The following MDGA2 variants were observed in gnomAD, a reference collection of about 807,000 sequenced individuals.
The protein encoded by MDGA2 is MAM domain containing glycosylphosphatidylinositol anchor 2.
MDGA2 carries 40 observed loss-of-function variants against 117.8 expected under a neutral mutation model. That is an observed-to-expected ratio of 0.34 (90% CI 0.26 to 0.44). The LOEUF (loss-of-function observed/expected upper bound fraction) is 0.44. MDGA2 is among the 20% of genes least tolerant of loss of function. MDGA2 has a pLI of 1.00. For synonymous variants in MDGA2, 452 were observed against 439.0 expected (o/e 1.03, Z -0.37); for missense variants, 1,123 against 1,250.6 (o/e 0.90, Z 1.54).
At chr14:47,367,118 ACTGAG>A in intron 1 of MDGA2, among the ~76,000 whole-genome samples, 1 of 152,232 alleles carries the variant, frequency 6.6e-6, no homozygotes, top group Admixed American at 6.5e-5. Flanking sequence ...TGCAAATATA[ACTGAG>A]CTATCTTAAT....
chr14:46,905,347 A>T (rs766287960), intron 10 of MDGA2, among the ~76,000 whole-genome samples: 38 of 152,200 alleles, frequency 2.5e-4, no homozygotes, highest in Admixed American at 6.5e-5. Context: ...GCAGGAGCAC[A>T]AATAAAACAA....
chr14:47,242,639 C>T lies in MDGA2; in HGVS notation c.421-24444G>A, dbSNP rs541871452. Reference sequence around the variant, plus strand: ...TCCCCCAGCAGTGCTGGCCCACCAGCGCTGCGCTCGATTTCTCGCTGGGCC... The same window carrying T: ...TCCCCCAGCAGTGCTGGCCCACCAGTGCTGCGCTCGATTTCTCGCTGGGCC... On this transcript the variant is annotated intron_variant, in intron 2 of 16. Coordinates refer to ENST00000399232, the MANE Select transcript of MDGA2 (RefSeq NM_001113498.3). Among the ~76,000 whole-genome samples the T allele has an allele frequency of 3.2e-3, 480 of 151,888 alleles. 20 individuals are homozygous for T. Among genetic ancestry groups the T allele is most frequent in the Non-Finnish European group, 4.6e-3 (311 of 67,760 alleles).
intron 8 of MDGA2, among the ~76,000 whole-genome samples, chr14:47,020,930 AAG>A (rs147713485): frequency 0.017 from 2,626 of 152,260 alleles, 77 homozygotes; most frequent in African/African-American, 0.058. Context: ...ATAAAAGAAA[AAG>A]AAAATAATTT....
chr14:47,027,821 T>C (rs1888530061), intron 8 of MDGA2, among the ~76,000 whole-genome samples: 1 of 151,948 alleles, frequency 6.6e-6, no homozygotes, highest in South Asian at 2.1e-4. Context: ...AGTATATTCA[T>C]CCTAGAAACA....
At chr14:47,656,744 G>A (rs1433836658) in intron 1 of MDGA2, among the ~76,000 whole-genome samples, 3 of 152,052 alleles carry the variant, frequency 2.0e-5, no homozygotes, top group African/African-American at 7.2e-5. Context: ...AGAGGCATGT[G>A]GCAGATTGTA....
intron 1 of MDGA2, among the ~76,000 whole-genome samples, chr14:47,397,504 C>A (rs1042687556): frequency 1.3e-5 from 2 of 151,328 alleles, no homozygotes; most frequent in African/African-American, 4.9e-5. Context: ...CAAAAAAAAA[C>A]CCAAACAAAC....
At chr14:46,900,620 T>C (rs898805658) in intron 10 of MDGA2, among the ~76,000 whole-genome samples, 2 of 152,144 alleles carry the variant, frequency 1.3e-5, no homozygotes, top group Non-Finnish European at 2.9e-5. Flanking sequence ...CAAATAGGTA[T>C]TGCATAATTC....
intron 1 of MDGA2, among the ~76,000 whole-genome samples, chr14:47,424,673 T>C (rs953104194): frequency 6.6e-6 from 1 of 152,162 alleles, no homozygotes; most frequent in African/African-American, 2.4e-5. Context: ...TATTATTTAG[T>C]TAATTCAGAG....
At chr14:47,431,132 C>T (rs2138526856) in intron 1 of MDGA2, among the ~76,000 whole-genome samples, 1 of 152,010 alleles carries the variant, frequency 6.6e-6, no homozygotes, top group East Asian at 1.9e-4. Context: ...TTTTCATGTA[C>T]ATATGAATAT....
intron 8 of MDGA2, among the ~76,000 whole-genome samples, chr14:47,009,289 G>A (rs1455808365): frequency 6.6e-6 from 1 of 152,010 alleles, no homozygotes; most frequent in Non-Finnish European, 1.5e-5. Context: ...ACAGTGATTA[G>A]ATGTTCTAAA....
chr14:47,161,792 ATTT>A (rs952056737), intron 3 of MDGA2, among the ~76,000 whole-genome samples: 1 of 151,334 alleles, frequency 6.6e-6, no homozygotes, highest in Non-Finnish European at 1.5e-5. Flanking sequence ...CAACTCTTAT[ATTT>A]TGTTTTCGTT....
chr14:47,359,091 C>T (rs1891056378), intron 1 of MDGA2, among the ~76,000 whole-genome samples: 1 of 152,210 alleles, frequency 6.6e-6, no homozygotes, highest in South Asian at 2.1e-4. Context: ...CACGGTGGCT[C>T]ACGCCTGTAA....
At chr14:47,042,535 C>A (rs1221914684) in intron 7 of MDGA2, among the ~76,000 whole-genome samples, 4 of 152,234 alleles carry the variant, frequency 2.6e-5, no homozygotes, top group African/African-American at 9.6e-5. Flanking sequence ...TTTGTGTCAG[C>A]AGTCCTCCAT....
At chr14:47,446,588 G>A (rs1186243493) in intron 1 of MDGA2, among the ~76,000 whole-genome samples, 1 of 151,880 alleles carries the variant, frequency 6.6e-6, no homozygotes, top group Non-Finnish European at 1.5e-5. Flanking sequence ...GTGTATAAGG[G>A]TAAAAAGAGA....
chr14:47,098,680 CATAATCATACACA>C (rs1327421879), intron 5 of MDGA2, among the ~76,000 whole-genome samples: 1 of 151,816 alleles, frequency 6.6e-6, no homozygotes, highest in Non-Finnish European at 1.5e-5. Flanking sequence ...AGGTAAATAG[CATAATCATACACA>C]AGTATTTGAT....
At chr14:47,644,695 A>G (rs1416409036) in intron 1 of MDGA2, among the ~76,000 whole-genome samples, 2 of 152,218 alleles carry the variant, frequency 1.3e-5, no homozygotes, top group Non-Finnish European at 2.9e-5. Context: ...GAAAAAAAAA[A>G]CTAGGAGAGG....
chr14:47,237,290 T>A (rs572124092), intron 2 of MDGA2, among the ~76,000 whole-genome samples: 1 of 152,282 alleles, frequency 6.6e-6, no homozygotes, highest in African/African-American at 2.4e-5. Context: ...GAACTCTAAC[T>A]TCTAACATAA....
intron 10 of MDGA2, among the ~76,000 whole-genome samples, chr14:46,896,500 T>C (rs887233611): frequency 5.3e-5 from 8 of 152,068 alleles, no homozygotes; most frequent in African/African-American, 1.9e-4. Context: ...ACGAAAAAAG[T>C]AATGGAGGAT....
chr14:47,311,378 T>C (rs748905221), intron 1 of MDGA2, among the ~76,000 whole-genome samples: 3 of 152,154 alleles, frequency 2.0e-5, no homozygotes, highest in Non-Finnish European at 4.4e-5. Context: ...AGAGTAGCAA[T>C]AGTAGGCAGA....
Sources: allele counts gnomAD v4.1 joint callset (sites outside exome capture counted in the v4.1 genomes callset), GRCh38; gene constraint gnomAD v4.1.1; transcripts MANE v1.5; gene names NCBI Gene and HGNC (gene_info 2026-07-23, HGNC 2026-07-21).